Variants in UBE2H observed in about 807,000 individuals in gnomAD.
UBE2H encodes ubiquitin-conjugating enzyme E2 H.
In UBE2H, 3 loss-of-function variants were observed where a neutral mutation model predicts 29.0. The ratio of observed to expected loss-of-function variants is 0.10; its 90% CI spans 0.05 to 0.27. The LOEUF (loss-of-function observed/expected upper bound fraction) is 0.27, where lower values mean the gene tolerates loss of function less well. UBE2H is among the 10% of genes least tolerant of loss of function. UBE2H has a pLI of 1.00. For synonymous variants in UBE2H, 69 were observed against 82.9 expected (o/e 0.83, Z 0.91); for missense variants, 68 against 228.2 (o/e 0.30, Z 4.52).
At chr7:129,918,860 A>G (rs1449723593) in intron 1 of UBE2H, among the ~76,000 whole-genome samples, 1 of 152,172 alleles carries the variant, frequency 6.6e-6, no homozygotes, top group Non-Finnish European at 1.5e-5. Context: ...AGGCAGGTAG[A>G]TCACTTGAGC....
At chr7:129,909,913 G>A (rs1043032724) in intron 1 of UBE2H, among the ~76,000 whole-genome samples, 2 of 152,006 alleles carry the variant, frequency 1.3e-5, no homozygotes, top group African/African-American at 4.8e-5. Flanking sequence ...GTGGTCTGAG[G>A]GGAAAACAAA....
At chr7:129,865,761 T>C (rs1251790523) in intron 3 of UBE2H, among the ~76,000 whole-genome samples, 1 of 152,264 alleles carries the variant, frequency 6.6e-6, no homozygotes, top group Admixed American at 6.5e-5. Flanking sequence ...AAGTAGACTG[T>C]TCACAACCAA....
intron 3 of UBE2H, among the ~76,000 whole-genome samples, chr7:129,873,919 A>G (rs1002723284): frequency 2.6e-5 from 4 of 152,178 alleles, no homozygotes; most frequent in African/African-American, 9.6e-5. Flanking sequence ...CTCCTAGTAG[A>G]GGGTCCTCCT....
At chr7:129,856,555 T>C (rs1446381910) in intron 5 of UBE2H, among the ~76,000 whole-genome samples, 1 of 152,190 alleles carries the variant, frequency 6.6e-6, no homozygotes, top group East Asian at 1.9e-4. Flanking sequence ...TATCCAGAGA[T>C]TACTTCCAGC....
At chr7:129,920,394 C>A (rs569579112) in intron 1 of UBE2H, among the ~76,000 whole-genome samples, 5 of 151,714 alleles carry the variant, frequency 3.3e-5, no homozygotes, top group African/African-American at 1.2e-4. Context: ...CTGTATATAA[C>A]GGTGAAAAAC....
At chr7:129,922,069 T>C (rs1219396338) in intron 1 of UBE2H, among the ~76,000 whole-genome samples, 1 of 151,946 alleles carries the variant, frequency 6.6e-6, no homozygotes, top group Admixed American at 6.6e-5. Flanking sequence ...CTGCAACCTC[T>C]GCCTCCTGGG....
At chr7:129,866,303 TAAG>T in intron 3 of UBE2H, among the ~76,000 whole-genome samples, 1 of 152,222 alleles carries the variant, frequency 6.6e-6, no homozygotes, top group Non-Finnish European at 1.5e-5. Context: ...GCTAGATGGA[TAAG>T]AAAAGGTCAT....
chr7:129,836,859 G>A (rs529276665), intron 6 of UBE2H, among the ~76,000 whole-genome samples: 33 of 104,006 alleles, frequency 3.2e-4, no homozygotes, highest in Admixed American at 3.4e-4. Flanking sequence ...CAGCCTAGGC[G>A]ACAGGGCAAG....
chr7:129,927,980 G>C (rs1164887473), intron 1 of UBE2H, among the ~76,000 whole-genome samples: 1 of 147,364 alleles, frequency 6.8e-6, no homozygotes, highest in African/African-American at 2.5e-5. Flanking sequence ...GAGCCCAGGA[G>C]TTTAAAACCA....
At chr7:129,877,423 T>C (rs1806167383) in intron 3 of UBE2H, among the ~76,000 whole-genome samples, 1 of 152,198 alleles carries the variant, frequency 6.6e-6, no homozygotes, top group Non-Finnish European at 1.5e-5. Flanking sequence ...ACAACCTTTC[T>C]GAATGCTTAA....
chr7:129,842,219 C>T (rs1805441207), intron 5 of UBE2H, among the ~76,000 whole-genome samples: 1 of 152,186 alleles, frequency 6.6e-6, no homozygotes, highest in African/African-American at 2.4e-5. Context: ...TCACATAAGG[C>T]CAGGAGTTCG....
At chr7:129,916,753 T>C (rs1584784479) in intron 1 of UBE2H, among the ~76,000 whole-genome samples, 1 of 152,102 alleles carries the variant, frequency 6.6e-6, no homozygotes, top group African/African-American at 2.4e-5. Context: ...AAAGTTCCAT[T>C]TGCGGCTGGG....
chr7:129,929,694 T>C (rs1054613971), intron 1 of UBE2H, among the ~76,000 whole-genome samples: 1 of 152,206 alleles, frequency 6.6e-6, no homozygotes, highest in East Asian at 1.9e-4. Flanking sequence ...TGAATAATTC[T>C]ATCCAGTCTG....
chr7:129,935,459 A>G (rs910251693), intron 1 of UBE2H, among the ~76,000 whole-genome samples: 17 of 151,942 alleles, frequency 1.1e-4, no homozygotes, highest in Non-Finnish European at 2.4e-4. Context: ...TCAGGTAATT[A>G]AATACATAAA....
chr7:129,891,749 C>T (rs560634092), intron 1 of UBE2H, among the ~76,000 whole-genome samples: 4 of 150,758 alleles, frequency 2.7e-5, no homozygotes, highest in South Asian at 4.2e-4. Context: ...TGCAGTGAGC[C>T]GAGATCATGC....
chr7:129,934,951 GTGTGTGTATATA>G (rs1807493434), intron 1 of UBE2H, among the ~76,000 whole-genome samples: 2 of 150,376 alleles, frequency 1.3e-5, no homozygotes, highest in Non-Finnish European at 3.0e-5. Context: ...ATATATGTGT[GTGTGTGTATATA>G]TATGTGTATA....
chr7:129,935,760 T>C (rs1807515359), intron 1 of UBE2H, among the ~76,000 whole-genome samples: 1 of 152,206 alleles, frequency 6.6e-6, no homozygotes, highest in Admixed American at 6.5e-5. Context: ...ACAACAAACA[T>C]GACTACTAGT....
At chr7:129,899,461 C>CA (rs992376474) in intron 1 of UBE2H, among the ~76,000 whole-genome samples, 2 of 152,008 alleles carry the variant, frequency 1.3e-5, no homozygotes, top group South Asian at 2.1e-4. Flanking sequence ...TTGTCCAGTG[C>CA]TTTTTTTTCT....
chr7:129,935,929 G>A (rs1325534527), intron 1 of UBE2H, among the ~76,000 whole-genome samples: 1 of 152,070 alleles, frequency 6.6e-6, no homozygotes. Flanking sequence ...TACTTCTTAA[G>A]CTACTATTTA....
Sources: gnomAD v4.1 joint callset for allele counts (sites outside exome capture counted in the v4.1 genomes callset) on GRCh38, gnomAD v4.1.1 for gene constraint, MANE v1.5 for transcripts, NCBI Gene and HGNC (gene_info 2026-07-23, HGNC 2026-07-21) for gene names.